Variants in HUNK observed in about 807,000 individuals in gnomAD.
HUNK encodes hormonally up-regulated neu tumor-associated kinase.
Under a neutral mutation model 61.0 loss-of-function variants are expected in HUNK, and 21 were observed. The ratio of observed to expected loss-of-function variants is 0.34; its 90% CI spans 0.24 to 0.50. HUNK has a LOEUF of 0.50. Among genes scored for constraint, HUNK ranks in the 20% least tolerant of loss-of-function variants. The pLI is 0.98. For synonymous variants in HUNK, 371 were observed against 386.1 expected, an observed-to-expected ratio of 0.96 and a Z score of 0.46; for missense variants, 772 against 945.7, an observed-to-expected ratio of 0.82 and a Z score of 2.41.
At chr21:31,880,474 C>A (rs1001994108) in intron 1 of HUNK, among the ~76,000 whole-genome samples, 3 of 152,160 alleles carry the variant, frequency 2.0e-5, no homozygotes, top group African/African-American at 7.2e-5. Flanking sequence ...CGGTGGTGGC[C>A]AGCACTCTTT....
At chr21:31,914,178 C>T (rs1292847650) in intron 1 of HUNK, among the ~76,000 whole-genome samples, 3 of 151,808 alleles carry the variant, frequency 2.0e-5, no homozygotes, top group Non-Finnish European at 2.9e-5. Flanking sequence ...GAGGCCAAGG[C>T]GGGCGGATCA....
At chr21:31,893,990 G>A (rs2052408758) in intron 1 of HUNK, among the ~76,000 whole-genome samples, 1 of 152,150 alleles carries the variant, frequency 6.6e-6, no homozygotes, top group Admixed American at 6.5e-5. Flanking sequence ...CAAAATCTCT[G>A]GGTTTCCAAT....
chr21:31,959,444 CA>C (rs1016242181), intron 5 of HUNK, among the ~76,000 whole-genome samples: 15 of 152,146 alleles, frequency 9.9e-5, no homozygotes, highest in African/African-American at 3.6e-4. Flanking sequence ...TGAGCCCGTT[CA>C]AAAGCTTTTA....
Position 32,000,701 on chromosome 21 carries a change from C to T in HUNK, c.*1517C>T. 2.5e-6 allele frequency: 1 copy of T among 398,784 alleles called. No homozygotes were observed. Among genetic ancestry groups the T allele is most frequent in the Middle Eastern group, 6.3e-4 (1 of 1,588 alleles). 24.7% of individuals were successfully genotyped at this position (398,784 alleles called of 1,614,324 possible). On this transcript the variant is annotated 3_prime_UTR_variant, in exon 11 of 11. Transcript: ENST00000270112. ...CACAAATCTAGAATTGCAAAGCCAG[C>T]CTTTATTTCCCTGGCAGGCAGCCTT...
intron 1 of HUNK, among the ~76,000 whole-genome samples, chr21:31,883,802 G>A (rs985554331): frequency 6.6e-6 from 1 of 152,168 alleles, no homozygotes; most frequent in African/African-American, 2.4e-5. Context: ...GCCCACCCTT[G>A]TTGGCTCTGC....
chr21:31,965,497 G>A (rs374071861), intron 5 of HUNK, among the ~76,000 whole-genome samples: 17 of 151,280 alleles, frequency 1.1e-4, no homozygotes, highest in East Asian at 5.8e-4. Context: ...TTGCTGGAAA[G>A]TTTTAGCTGA....
At chr21:31,889,699 T>C (rs1388560311) in intron 1 of HUNK, among the ~76,000 whole-genome samples, 3 of 152,196 alleles carry the variant, frequency 2.0e-5, no homozygotes, top group Non-Finnish European at 4.4e-5. Context: ...ATAATAAAAC[T>C]TGAATTTCTC....
In HUNK at chr21:31,998,529, C is replaced by T; in HGVS notation, c.1490C>T (p.Ser497Phe). ...TTTATGCTTTCTTGGTGTGCAGATT[C>T]CTTTGGCTGCCGCAATATTTTCCGC... ...ASKSSFPDKD[S>F]FGCRNIFRKT... The change falls in exon 11 of 11, where the codon TCC becomes TTC. Residue 497 changes from serine to phenylalanine, a missense_variant. Physicochemically the swap from Ser to Phe is radical, Grantham distance 155. Around this residue, in one of 2 missense-constraint regions of HUNK, gnomAD observed 413 missense variants for 444.4 expected, o/e 0.93. Transcript: ENST00000270112. 2 of 1,582,128 alleles carry T rather than the reference C, an allele frequency of 1.3e-6. No homozygotes were observed. Among genetic ancestry groups the T allele is most frequent in the South Asian group, 2.3e-5 (2 of 85,572 alleles).
At chr21:31,935,381 T>A (rs1338143812) in intron 2 of HUNK, among the ~76,000 whole-genome samples, 1 of 152,202 alleles carries the variant, frequency 6.6e-6, no homozygotes, top group African/African-American at 2.4e-5. Context: ...GCACATTTGT[T>A]ACAATGGATG....
chr21:31,960,702 A>G, intron 5 of HUNK, among the ~76,000 whole-genome samples: 1 of 152,108 alleles, frequency 6.6e-6, no homozygotes, highest in East Asian at 1.9e-4. Context: ...TAAAACCATC[A>G]GATCTCGTGA....
At chr21:31,913,469 A>G (rs1191345401) in intron 1 of HUNK, among the ~76,000 whole-genome samples, 1 of 151,890 alleles carries the variant, frequency 6.6e-6, no homozygotes, top group Non-Finnish European at 1.5e-5. Context: ...ACTCTTGGTG[A>G]TGAATGAGGT....
chr21:31,888,570 C>G (rs1165766043), intron 1 of HUNK, among the ~76,000 whole-genome samples: 4 of 152,064 alleles, frequency 2.6e-5, no homozygotes, highest in African/African-American at 9.7e-5. Context: ...AACCCTGTTT[C>G]TACTGAAAAT....
Position 31,919,787 on chromosome 21 carries a change from C to T in HUNK, c.262-4681C>T, listed in dbSNP as rs146485766. Among the ~76,000 whole-genome samples, 5 of 152,220 alleles carry T rather than the reference C, an allele frequency of 3.3e-5. No homozygotes were observed. The East Asian group carries it at 5.8e-4, about 18-fold the overall frequency. ...GAATTGTCAGAGGCTCCTGAGACTA[C>T]GCTGAAGGGCTAGAGTGAGGAGGAG... On this transcript the variant is annotated intron_variant, in intron 1 of 10. Coordinates refer to ENST00000270112, the MANE Select transcript of HUNK (RefSeq NM_014586.2).
intron 7 of HUNK, among the ~76,000 whole-genome samples, chr21:31,975,865 C>G (rs943985976): frequency 3.3e-5 from 5 of 152,130 alleles, no homozygotes; most frequent in Non-Finnish European, 7.4e-5. Flanking sequence ...CTTTTGTTAG[C>G]AAATGGATTT....
intron 5 of HUNK, 74 bp from the exon 6 acceptor site, chr21:31,968,176 C>T: frequency 6.3e-7 from 1 of 1,587,940 alleles, no homozygotes; most frequent in Non-Finnish European, 8.6e-7. Context: ...GGCGAGTCCC[C>T]TGTGATGGTG....
chr21:31,966,922 A>G (rs1568936872), intron 5 of HUNK, among the ~76,000 whole-genome samples: 1 of 152,210 alleles, frequency 6.6e-6, no homozygotes, highest in Admixed American at 6.5e-5. Context: ...TAAGGGCTAT[A>G]GCATAAGAAA....
intron 4 of HUNK, among the ~76,000 whole-genome samples, chr21:31,953,817 A>AT (rs1216114510): frequency 2.6e-5 from 4 of 152,090 alleles, no homozygotes; most frequent in Admixed American, 2.6e-4. Flanking sequence ...TTGATGATAA[A>AT]TTCCTCCAAA....
intron 6 of HUNK, among the ~76,000 whole-genome samples, chr21:31,972,829 C>T (rs2053020975): frequency 1.3e-5 from 2 of 151,988 alleles, no homozygotes; most frequent in Non-Finnish European, 2.9e-5. Flanking sequence ...TTTGGGACAG[C>T]ACTTAGGCAA....
Position 31,958,910 on chromosome 21 carries a change from G to A in HUNK, c.814G>A (p.Ala272Thr), listed in dbSNP as rs758425013. 4 of 1,610,426 alleles carry A rather than the reference G, an allele frequency of 2.5e-6. No homozygotes were observed. Among genetic ancestry groups the A allele is most frequent in the East Asian group, 2.2e-5 (1 of 44,788 alleles). Residue 272 changes from alanine to threonine, a missense_variant, in exon 5 of 11, where the codon GCT (alanine) becomes ACT (threonine). Ala to Thr is a moderately conservative substitution (Grantham distance 58). Around this residue, in one of 2 missense-constraint regions of HUNK, gnomAD observed 359 missense variants for 501.3 expected, o/e 0.72. Transcript: ENST00000270112. ...CACGGTGGAGCCTTTCAGCCTGAGG[G>A]CTTTGTACCAGAAGATGGTAGACAA... ...PFTVEPFSLR[A>T]LYQKMVDKEM...
Sources: allele counts gnomAD v4.1 joint callset (sites outside exome capture counted in the v4.1 genomes callset), GRCh38; gene constraint gnomAD v4.1.1; regional missense constraint gnomAD v4.1.1; transcripts MANE v1.5; gene names NCBI Gene and HGNC (gene_info 2026-07-23, HGNC 2026-07-21).